Variants in MAP2K1 observed in about 807,000 individuals in gnomAD.
MAP2K1 encodes dual specificity mitogen-activated protein kinase kinase 1.
MAP2K1 carries 16 observed loss-of-function variants against 46.3 expected under a neutral mutation model. That is an observed-to-expected ratio of 0.35 (90% CI 0.23 to 0.52). MAP2K1 has a LOEUF of 0.52. Ranked by LOEUF, MAP2K1 falls within the 20% of genes least tolerant of loss-of-function variation. MAP2K1 has a pLI of 0.94. For synonymous variants in MAP2K1, 183 were observed against 185.6 expected (o/e 0.99, Z 0.11); for missense variants, 263 against 497.1 (o/e 0.53, Z 4.48).
chr15:66,396,355 G>A (rs1008771120), intron 1 of MAP2K1, among the ~76,000 whole-genome samples: 6 of 150,800 alleles, frequency 4.0e-5, no homozygotes, highest in Middle Eastern at 3.4e-3. Context: ...CTTGGCTCAC[G>A]GCCACCTCCG....
At chr15:66,466,473 G>A (rs1031297322) in intron 5 of MAP2K1, among the ~76,000 whole-genome samples, 1 of 152,128 alleles carries the variant, frequency 6.6e-6, no homozygotes, top group Non-Finnish European at 1.5e-5. Context: ...GAGGTCAGGA[G>A]TTCAAGACCA....
intron 5 of MAP2K1, among the ~76,000 whole-genome samples, chr15:66,463,374 ACT>A (rs1056592328): frequency 2.0e-5 from 3 of 152,074 alleles, no homozygotes; most frequent in African/African-American, 7.2e-5. Context: ...ATCTGAGACT[ACT>A]CTCAGTTAAT....
At chr15:66,484,145 C>T (rs962311862) in intron 6 of MAP2K1, among the ~76,000 whole-genome samples, 5 of 151,394 alleles carry the variant, frequency 3.3e-5, no homozygotes, top group South Asian at 2.1e-4. Context: ...CACCACCCCC[C>T]CCCACCTTTT....
chr15:66,418,738 C>T (rs2093430238), intron 1 of MAP2K1, among the ~76,000 whole-genome samples: 1 of 151,872 alleles, frequency 6.6e-6, no homozygotes, highest in South Asian at 2.1e-4. Context: ...TCTCAGCTCA[C>T]TGCAAGCTCC....
rs573568697 is a variant in MAP2K1 at position 66,445,408 on chromosome 15, G to C, written c.568+701G>C. On this transcript the variant is annotated intron_variant, in intron 5 of 10. Transcript: ENST00000307102. ...CACAGTCTCAAAACAACAACAACAA[G>C]AAGAACAAAACACATTAAAAAAAGA... 7.2e-5 allele frequency among the ~76,000 whole-genome samples: 11 copies of C among 152,012 alleles called. No individual in the cohort carries two copies. The South Asian group carries it at 1.2e-3, about 17-fold the overall frequency.
chr15:66,419,706 G>T (rs911973189), intron 1 of MAP2K1, among the ~76,000 whole-genome samples: 1 of 152,010 alleles, frequency 6.6e-6, no homozygotes, highest in Non-Finnish European at 1.5e-5. Context: ...AGGCTCCTCT[G>T]TGTGTGTGTA....
intron 5 of MAP2K1, among the ~76,000 whole-genome samples, chr15:66,452,313 AAG>A (rs1555417535): frequency 6.7e-6 from 1 of 149,178 alleles, no homozygotes; most frequent in Non-Finnish European, 1.5e-5. Context: ...AGAAAAAAAA[AAG>A]CTAAATATAG....
chr15:66,406,482 C>T (rs769094112), intron 1 of MAP2K1, among the ~76,000 whole-genome samples: 2 of 152,042 alleles, frequency 1.3e-5, no homozygotes, highest in African/African-American at 4.8e-5. Flanking sequence ...TGTGCTGGGG[C>T]GATTGATATT....
At position 66,387,289 on chromosome 15, in the gene MAP2K1, G is replaced by T; in HGVS notation, c.-59G>T. 1 of 1,405,460 alleles carries T rather than the reference G, an allele frequency of 7.1e-7. No individual in the cohort carries two copies. The highest frequency in any genetic ancestry group is 1.4e-5 in the African/African-American group (1 of 70,028). The allele number at this position is 1,405,460 out of a possible 1,614,324, so 87.1% of individuals were successfully genotyped here. On this transcript the variant is annotated 5_prime_UTR_variant, in exon 1 of 11. Coordinates refer to ENST00000307102, the MANE Select transcript of MAP2K1 (RefSeq NM_002755.4). ...CAGCGGGCGCGGGGCAGCGCAGCGG[G>T]AGGAAGCGAGAGGTGCTGCCCTCCC...
At chr15:66,479,452 G>A (rs1011710986) in intron 5 of MAP2K1, among the ~76,000 whole-genome samples, 6 of 152,164 alleles carry the variant, frequency 3.9e-5, no homozygotes, top group African/African-American at 1.4e-4. Flanking sequence ...TGCCCTCTAA[G>A]GCTGCTTTTG....
chr15:66,438,635 T>G (rs1424699474), intron 3 of MAP2K1, among the ~76,000 whole-genome samples: 1 of 152,162 alleles, frequency 6.6e-6, no homozygotes, highest in Non-Finnish European at 1.5e-5. Context: ...CTTAGCCCAT[T>G]TCCAGTGACT....
intron 1 of MAP2K1, among the ~76,000 whole-genome samples, chr15:66,430,339 C>T (rs912430996): frequency 1.3e-5 from 2 of 152,166 alleles, no homozygotes; most frequent in African/African-American, 4.8e-5. Context: ...CTCCTTCCTA[C>T]AGTGATTGGT....
intron 1 of MAP2K1, among the ~76,000 whole-genome samples, chr15:66,430,133 GC>G (rs2093471589): frequency 6.6e-6 from 1 of 152,182 alleles, no homozygotes; most frequent in South Asian, 2.1e-4. Flanking sequence ...GGGATTGTAT[GC>G]AGCCTTTATC....
At chr15:66,404,649 A>G (rs999513146) in intron 1 of MAP2K1, among the ~76,000 whole-genome samples, 1 of 152,206 alleles carries the variant, frequency 6.6e-6, no homozygotes, top group Non-Finnish European at 1.5e-5. Context: ...GGGGAGAGGT[A>G]GTGAGGAAAG....
intron 1 of MAP2K1, among the ~76,000 whole-genome samples, chr15:66,432,199 C>T (rs943779612): frequency 1.8e-4 from 27 of 152,164 alleles, no homozygotes; most frequent in Admixed American, 1.7e-3. Flanking sequence ...CTCCAGTCCT[C>T]ATCCATACAC....
intron 7 of MAP2K1, among the ~76,000 whole-genome samples, chr15:66,486,386 C>T (rs1008116461): frequency 7.2e-5 from 11 of 152,108 alleles, no homozygotes; most frequent in African/African-American, 2.7e-4. Flanking sequence ...ATCCCCCACT[C>T]CCCCCTGCCT....
chr15:66,420,632 A>G (rs113681746), intron 1 of MAP2K1, among the ~76,000 whole-genome samples: 1 of 148,922 alleles, frequency 6.7e-6, no homozygotes, highest in African/African-American at 2.5e-5. Context: ...TTTATTTTTC[A>G]AAATAAATTT....
intron 1 of MAP2K1, among the ~76,000 whole-genome samples, chr15:66,420,781 ATATATATGTG>A (rs1567003074): frequency 0.23 from 8,716 of 37,172 alleles, 2,170 homozygotes; most frequent in South Asian, 0.4. Flanking sequence ...ATATATGTGT[ATATATATGTG>A]TGTATATATA....
intron 2 of MAP2K1, among the ~76,000 whole-genome samples, chr15:66,436,408 C>T (rs1439295481): frequency 6.6e-6 from 1 of 152,100 alleles, no homozygotes; most frequent in Non-Finnish European, 1.5e-5. Context: ...TTCCTCATAC[C>T]CTTCTACTTT....
Sources: allele counts gnomAD v4.1 joint callset (sites outside exome capture counted in the v4.1 genomes callset), GRCh38; gene constraint gnomAD v4.1.1; transcripts MANE v1.5; gene names NCBI Gene and HGNC (gene_info 2026-07-23, HGNC 2026-07-21).